BAZ2B: variants seen among roughly 807,000 people sequenced by gnomAD.
BAZ2B encodes the protein bromodomain adjacent to zinc finger domain 2B.
Under a neutral mutation model 246.0 loss-of-function variants are expected in BAZ2B, and 91 were observed. The ratio of observed to expected loss-of-function variants is 0.37; its 90% CI spans 0.31 to 0.44. BAZ2B has a LOEUF of 0.44. Among genes scored for constraint, BAZ2B ranks in the 20% least tolerant of loss-of-function variants. The probability of loss-of-function intolerance (pLI) is 1.00; values close to 1 mark genes in which losing one functional copy is unlikely to be tolerated. For missense variants in BAZ2B, 2,332 were observed against 2,533.7 expected, an observed-to-expected ratio of 0.92 and a Z score of 1.71; for synonymous variants, 855 against 860.0, an observed-to-expected ratio of 0.99 and a Z score of 0.10.
At chr2:159,630,443 CACA>C in the BAZ2B span, among the ~76,000 whole-genome samples, 13 of 152,146 alleles carry the variant, frequency 8.5e-5, no homozygotes, top group Non-Finnish European at 1.3e-4. Context: ...GACTTTAAAA[CACA>C]ACAACTAAAA....
chr2:159,555,653 G>T (rs148037538), intron 2 of BAZ2B, 170 bp downstream of exon 2: 33 of 139,518 alleles, frequency 2.4e-4, no homozygotes, highest in African/African-American at 9.5e-4. Flanking sequence ...TATTTTAAAA[G>T]TATTTAAATA....
intron 2 of BAZ2B, among the ~76,000 whole-genome samples, chr2:159,487,032 T>C (rs973300225): frequency 1.3e-5 from 2 of 152,194 alleles, no homozygotes; most frequent in African/African-American, 4.8e-5. Flanking sequence ...TATTTACTTC[T>C]AGGCAATGGG....
intron 27 of BAZ2B, among the ~76,000 whole-genome samples, chr2:159,358,532 C>T (rs1479302596): frequency 6.6e-6 from 1 of 152,202 alleles, no homozygotes; most frequent in African/African-American, 2.4e-5. Context: ...TAACACCCCA[C>T]TGTCAATGTC....
chr2:159,483,107 C>CGGGAA (rs1181604229), intron 2 of BAZ2B, among the ~76,000 whole-genome samples: 1 of 152,140 alleles, frequency 6.6e-6, no homozygotes, highest in African/African-American at 2.4e-5. Context: ...ATAACATGAC[C>CGGGAA]TCCCGTCTAT....
intron 27 of BAZ2B, among the ~76,000 whole-genome samples, chr2:159,362,011 C>T (rs959081892): frequency 2.0e-5 from 3 of 151,916 alleles, no homozygotes; most frequent in Admixed American, 1.3e-4. Context: ...ATGTAGATGA[C>T]GGGTTGATGG....
intron 1 of BAZ2B, among the ~76,000 whole-genome samples, chr2:159,562,852 T>A (rs995517237): frequency 4.6e-5 from 7 of 152,100 alleles, no homozygotes; most frequent in African/African-American, 1.2e-4. Context: ...AATTGACAGA[T>A]AATTTGACCC....
intron 34 of BAZ2B, among the ~76,000 whole-genome samples, chr2:159,326,267 G>A (rs1373477301): frequency 6.6e-6 from 1 of 152,080 alleles, no homozygotes; most frequent in Non-Finnish European, 1.5e-5. Flanking sequence ...GAGCACAACA[G>A]AATTAGGAAC....
intron 2 of BAZ2B, among the ~76,000 whole-genome samples, chr2:159,554,212 T>C (rs1014352165): frequency 6.6e-6 from 1 of 152,154 alleles, no homozygotes; most frequent in Admixed American, 6.5e-5. Flanking sequence ...ACTCTCTTAA[T>C]GTTACCCTAA....
intron 16 of BAZ2B, among the ~76,000 whole-genome samples, chr2:159,402,440 A>C (rs568063510): frequency 9.9e-5 from 15 of 152,078 alleles, no homozygotes; most frequent in Non-Finnish European, 1.5e-4. Context: ...ACAGAGGGAG[A>C]CTCTGTCTAA....
At chr2:159,619,663 T>TA (rs1014246874), upstream of BAZ2B, among the ~76,000 whole-genome samples, 135 of 150,706 alleles carry the variant, frequency 9.0e-4, no homozygotes, top group Middle Eastern at 0.044. Context: ...TGATTCTTCT[T>TA]AAAAAAAAAT....
At chr2:159,608,599 G>A (rs1269501923) in intron 1 of BAZ2B, among the ~76,000 whole-genome samples, 2 of 152,110 alleles carry the variant, frequency 1.3e-5, no homozygotes, top group Non-Finnish European at 2.9e-5. Context: ...ATGCTAAAGA[G>A]CAGAGAAATA....
At chr2:159,556,905 A>G (rs2089209761) in intron 1 of BAZ2B, among the ~76,000 whole-genome samples, 1 of 152,198 alleles carries the variant, frequency 6.6e-6, no homozygotes, top group Admixed American at 6.5e-5. Context: ...CGAATCCTTC[A>G]AAGGGGCAGG....
chr2:159,663,925 T>C, the BAZ2B span, among the ~76,000 whole-genome samples: 2 of 114,912 alleles, frequency 1.7e-5, no homozygotes, highest in African/African-American at 6.5e-5. Flanking sequence ...GTGCACATTG[T>C]GCAGGTTAGT....
chr2:159,390,856 T>C (rs1380677555), intron 20 of BAZ2B, among the ~76,000 whole-genome samples: 1 of 152,150 alleles, frequency 6.6e-6, no homozygotes, highest in African/African-American at 2.4e-5. Flanking sequence ...GCAGACATTC[T>C]GGGAGGACAA....
At chr2:159,681,254 CT>C in the BAZ2B span, among the ~76,000 whole-genome samples, 2 of 151,814 alleles carry the variant, frequency 1.3e-5, no homozygotes, top group African/African-American at 4.8e-5. Context: ...AATCAGAACA[CT>C]AGTTTACTAT....
At chr2:159,619,207 G>A (rs963615921), upstream of BAZ2B, among the ~76,000 whole-genome samples, 2 of 151,832 alleles carry the variant, frequency 1.3e-5, no homozygotes, top group Non-Finnish European at 1.5e-5. Context: ...ATAAGAATAT[G>A]TATATGCAAT....
At chr2:159,375,137 G>T (rs932978353) in intron 25 of BAZ2B, among the ~76,000 whole-genome samples, 3 of 152,142 alleles carry the variant, frequency 2.0e-5, no homozygotes, top group African/African-American at 7.2e-5. Flanking sequence ...AAGCCCAGAA[G>T]TTCAAGGCTG....
chr2:159,334,586 C>T (rs1366739129), intron 33 of BAZ2B, among the ~76,000 whole-genome samples: 1 of 152,134 alleles, frequency 6.6e-6, no homozygotes, highest in Non-Finnish European at 1.5e-5. Context: ...GAAACACTGC[C>T]TTCTTTTCAA....
chr2:159,641,505 T>C, the BAZ2B span, among the ~76,000 whole-genome samples: 2 of 152,232 alleles, frequency 1.3e-5, no homozygotes, highest in African/African-American at 2.4e-5. Context: ...TCTCATTCTG[T>C]AGGCAGTCTG....
Sources: allele counts gnomAD v4.1 joint callset (sites outside exome capture counted in the v4.1 genomes callset), GRCh38; gene constraint gnomAD v4.1.1; transcripts MANE v1.5; gene names NCBI Gene and HGNC (gene_info 2026-07-23, HGNC 2026-07-21).